The following CLIC5 variants were observed in gnomAD, a reference collection of about 807,000 sequenced individuals.
CLIC5 encodes chloride intracellular channel protein 5.
In CLIC5, 20 loss-of-function variants were observed where a neutral mutation model predicts 24.7. The ratio of observed to expected loss-of-function variants is 0.81; its 90% CI spans 0.57 to 1.18. The LOEUF is 1.18. CLIC5 is among the 50% of genes most tolerant of loss of function. The pLI, the probability that CLIC5 is intolerant of heterozygous loss-of-function variation, is 0.00. For synonymous variants in CLIC5, 159 were observed against 135.6 expected, an observed-to-expected ratio of 1.17 and a Z score of -1.20; for missense variants, 341 against 326.1, an observed-to-expected ratio of 1.05 and a Z score of -0.35.
intron 1 of CLIC5, among the ~76,000 whole-genome samples, chr6:46,042,824 C>A (rs981056382): frequency 6.6e-6 from 1 of 152,132 alleles, no homozygotes; most frequent in Non-Finnish European, 1.5e-5. Flanking sequence ...GGTCACCCTG[C>A]TAACCATTGG....
downstream of CLIC5, among the ~76,000 whole-genome samples, chr6:45,897,838 A>C (rs1449320505): frequency 6.6e-6 from 1 of 152,106 alleles, no homozygotes; most frequent in Non-Finnish European, 1.5e-5. Flanking sequence ...AATTCTTTAA[A>C]TCATACCTGG....
chr6:45,922,298 G>C (rs574796672), intron 4 of CLIC5, among the ~76,000 whole-genome samples: 26 of 152,256 alleles, frequency 1.7e-4, no homozygotes, highest in African/African-American at 6.0e-4. Flanking sequence ...GGACACTGTT[G>C]GTTGCCCACC....
At chr6:45,991,902 A>T (rs1765955964) in intron 1 of CLIC5, among the ~76,000 whole-genome samples, 1 of 152,234 alleles carries the variant, frequency 6.6e-6, no homozygotes, top group Admixed American at 6.5e-5. Context: ...TTTTTAAAAA[A>T]TTAGACTTTA....
intron 4 of CLIC5, among the ~76,000 whole-genome samples, chr6:45,928,815 A>G (rs1307021962): frequency 6.9e-6 from 1 of 144,192 alleles, no homozygotes; most frequent in Non-Finnish European, 1.5e-5. Context: ...GAGATTGAGA[A>G]ACGTATTTGG....
chr6:45,883,081 G>A (rs1002462547), intron 6 of CLIC5, among the ~76,000 whole-genome samples: 1 of 152,216 alleles, frequency 6.6e-6, no homozygotes, highest in African/African-American at 2.4e-5. Context: ...CCCATTACCA[G>A]CTTGGCTCTG....
chr6:45,969,581 A>C (rs1430775148), intron 1 of CLIC5, among the ~76,000 whole-genome samples: 1 of 152,042 alleles, frequency 6.6e-6, no homozygotes, highest in East Asian at 1.9e-4. Context: ...GATGGCTGAA[A>C]TCTCAGTCAA....
chr6:46,036,396 T>C (rs986065332), intron 1 of CLIC5, among the ~76,000 whole-genome samples: 1 of 148,304 alleles, frequency 6.7e-6, no homozygotes, highest in African/African-American at 2.5e-5. Flanking sequence ...CTGCAAGCTC[T>C]GCCTCCCAGG....
chr6:45,881,065 G>T (rs1188369004), exon 7 of CLIC5: 1 of 398,080 alleles, frequency 2.5e-6, no homozygotes. Flanking sequence ...CAGACAATGA[G>T]TTCCACATTT....
chr6:45,961,435 C>G (rs1052572579), intron 1 of CLIC5, among the ~76,000 whole-genome samples: 3 of 152,210 alleles, frequency 2.0e-5, no homozygotes, highest in African/African-American at 7.2e-5. Flanking sequence ...AATCAGGTCT[C>G]TCTAACTCCT....
chr6:45,938,517 G>GA (rs1764019252), intron 4 of CLIC5, among the ~76,000 whole-genome samples: 2 of 152,196 alleles, frequency 1.3e-5, no homozygotes, highest in Non-Finnish European at 2.9e-5. Flanking sequence ...GGCTCTTTGG[G>GA]AAAGCAGCAA....
chr6:45,985,812 T>G (rs1157428536), intron 1 of CLIC5, among the ~76,000 whole-genome samples: 2 of 152,110 alleles, frequency 1.3e-5, no homozygotes, highest in African/African-American at 4.8e-5. Flanking sequence ...TGTTCTCCCA[T>G]GTATAGGCCT....
chr6:46,100,186 C>T, the CLIC5 span, among the ~76,000 whole-genome samples: 1 of 152,158 alleles, frequency 6.6e-6, no homozygotes, highest in Admixed American at 6.5e-5. Flanking sequence ...CGCCTTTGAC[C>T]TTTTACCTTG....
intron 1 of CLIC5, among the ~76,000 whole-genome samples, chr6:45,987,591 A>G (rs1765786625): frequency 6.6e-6 from 1 of 152,204 alleles, no homozygotes; most frequent in African/African-American, 2.4e-5. Context: ...AATAACAACA[A>G]AAGAATTATT....
chr6:45,937,011 G>A lies in CLIC5; in HGVS notation c.406+4536C>T, dbSNP rs1292136415. 2.0e-5 allele frequency among the ~76,000 whole-genome samples: 3 copies of A among 152,224 alleles called. No individual in the cohort carries two copies. The East Asian group carries it at 5.8e-4, about 29-fold the overall frequency. On this transcript the variant is annotated intron_variant, in intron 4 of 5. Coordinates refer to ENST00000339561, the MANE Select transcript of CLIC5 (RefSeq NM_016929.5). Reference sequence around the variant, plus strand: ...GATCTAGAAATTACAGAGGAGGGGTGAGTACAGTGATAGGCCTAAACACGG... The same window carrying A: ...GATCTAGAAATTACAGAGGAGGGGTAAGTACAGTGATAGGCCTAAACACGG...
chr6:45,985,996 GT>G (rs1423478851), intron 1 of CLIC5, among the ~76,000 whole-genome samples: 1 of 152,080 alleles, frequency 6.6e-6, no homozygotes, highest in African/African-American at 2.4e-5. Context: ...ATATCTGATA[GT>G]TTTATAGAGG....
At position 45,939,702 on chromosome 6, in the gene CLIC5, A is replaced by G. The variant is rs538728251; in HGVS notation, c.406+1845T>C. Among the ~76,000 whole-genome samples the G allele has an allele frequency of 3.3e-5, 5 of 152,222 alleles. No individual in the cohort carries two copies. The South Asian group carries it at 1.0e-3, about 32-fold the overall frequency. On this transcript the variant is annotated intron_variant, in intron 4 of 5. Transcript: ENST00000339561. ...TTCACCCAGGTTGGAGTACAGTGGC[A>G]TAATCATAGCTCACTGCAGCTTCGA...
chr6:46,039,808 A>G (rs2127459869), intron 1 of CLIC5, among the ~76,000 whole-genome samples: 1 of 152,336 alleles, frequency 6.6e-6, no homozygotes, highest in South Asian at 2.1e-4. Flanking sequence ...GAGGGCATAC[A>G]CATAAGGAAA....
At chr6:45,960,009 C>T (rs569717848) in intron 1 of CLIC5, among the ~76,000 whole-genome samples, 12 of 152,064 alleles carry the variant, frequency 7.9e-5, no homozygotes, top group South Asian at 2.1e-4. Flanking sequence ...AACTTACCCA[C>T]GAAATACCAA....
intron 1 of CLIC5, among the ~76,000 whole-genome samples, chr6:46,043,521 T>C (rs1484713773): frequency 6.6e-6 from 1 of 152,244 alleles, no homozygotes; most frequent in African/African-American, 2.4e-5. Context: ...TTGGAACTTT[T>C]GTGCTGCCAA....
Sources: gnomAD v4.1 joint callset for allele counts (sites outside exome capture counted in the v4.1 genomes callset) on GRCh38, gnomAD v4.1.1 for gene constraint, MANE v1.5 for transcripts, NCBI Gene and HGNC (gene_info 2026-07-23, HGNC 2026-07-21) for gene names.